The following RC3H1 variants were observed in gnomAD, a reference collection of about 807,000 sequenced individuals.
RC3H1 encodes ring finger and CCCH-type domains 1.
Under a neutral mutation model 138.2 loss-of-function variants are expected in RC3H1, and 50 were observed. The observed-to-expected ratio is 0.36, with a 90% confidence interval of 0.29 to 0.46. The LOEUF (loss-of-function observed/expected upper bound fraction) is 0.46, where lower values mean the gene tolerates loss of function less well. Ranked by LOEUF, RC3H1 falls within the 20% of genes least tolerant of loss-of-function variation. The pLI is 1.00. For synonymous variants in RC3H1, 462 were observed against 489.1 expected (o/e 0.94, Z 0.73); for missense variants, 1,031 against 1,388.1 (o/e 0.74, Z 4.09).
chr1:174,014,442 C>T (rs936023673), intron 1 of RC3H1, among the ~76,000 whole-genome samples: 4 of 151,846 alleles, frequency 2.6e-5, no homozygotes, highest in African/African-American at 9.7e-5. Context: ...CAGCATAGGC[C>T]CATATAAATA....
chr1:173,988,669 A>G (rs1006766522), intron 2 of RC3H1, among the ~76,000 whole-genome samples: 12 of 152,256 alleles, frequency 7.9e-5, no homozygotes, highest in African/African-American at 2.7e-4. Context: ...CATTTCCAAA[A>G]AGATGAGAGT....
intron 5 of RC3H1, among the ~76,000 whole-genome samples, chr1:173,981,508 T>C (rs1050418627): frequency 6.6e-6 from 1 of 152,154 alleles, no homozygotes; most frequent in African/African-American, 2.4e-5. Context: ...GTTTAAGGTG[T>C]ATGTGTGTGT....
chr1:174,009,333 T>C (rs927990814), intron 1 of RC3H1: 1 of 152,138 alleles, frequency 6.6e-6, no homozygotes, highest in Non-Finnish European at 1.5e-5. Flanking sequence ...AATATATGAA[T>C]TCCTTCAGAG....
At chr1:173,998,783 T>A (rs564266946) in intron 1 of RC3H1, among the ~76,000 whole-genome samples, 20 of 152,104 alleles carry the variant, frequency 1.3e-4, no homozygotes, top group Non-Finnish European at 2.6e-4. Flanking sequence ...AATAAAGATC[T>A]TATTATCAAA....
At chr1:174,000,879 G>A (rs1168182865) in intron 1 of RC3H1, among the ~76,000 whole-genome samples, 1 of 152,122 alleles carries the variant, frequency 6.6e-6, no homozygotes, top group Non-Finnish European at 1.5e-5. Flanking sequence ...TAAAATTTGA[G>A]GCTCAAGGTT....
At chr1:173,944,048 C>T (rs1231825234) in intron 17 of RC3H1, among the ~76,000 whole-genome samples, 1 of 151,842 alleles carries the variant, frequency 6.6e-6, no homozygotes, top group African/African-American at 2.4e-5. Flanking sequence ...GTGGTGTGGG[C>T]CCGTAGTCCT....
chr1:174,021,580 G>C (rs2103125131), intron 1 of RC3H1, among the ~76,000 whole-genome samples: 1 of 152,202 alleles, frequency 6.6e-6, no homozygotes. Context: ...GGGACTTCAG[G>C]GAAACAGACA....
rs1291218037 is a variant in RC3H1, at chr1:173,934,965, G to C, written c.*3756C>G. 1 of 152,138 alleles carries C rather than the reference G, an allele frequency of 6.6e-6. No individual in the cohort carries two copies. Among genetic ancestry groups the C allele is most frequent in the African/African-American group, 2.4e-5 (1 of 41,432 alleles). 9.4% of individuals were successfully genotyped at this position (152,138 alleles called of 1,614,324 possible). ...TTAGGCAAAAGAAATACATGGGAAA[G>C]AATAGAAGGGAAGGGAAATAAGATG... On this transcript the variant is annotated 3_prime_UTR_variant, in exon 20 of 20. Transcript: ENST00000367696.
In RC3H1 at chr1:173,982,778, T is replaced by C. The variant is rs762065553; in HGVS notation, c.717A>G (p.Lys239=). Residue 239 remains lysine (K), a synonymous_variant, in exon 5 of 20, where the codon AAA becomes AAG. Transcript: ENST00000367696. ...GCTGAACAACATGCCCAATGCTAGTTTTAGAGGCTTGAGGAAACCGTGGCT... is the reference window on the plus strand; with the variant it reads ...GCTGAACAACATGCCCAATGCTAGTCTTAGAGGCTTGAGGAAACCGTGGCT... ...RLEPRFPQAS[K]TSIGHVVQLL... is the part of the protein sequence containing the mutation. 2 of 1,613,638 alleles carry C rather than the reference T, an allele frequency of 1.2e-6. No individual in the cohort carries two copies. Among genetic ancestry groups the C allele is most frequent in the Non-Finnish European group, 1.7e-6 (2 of 1,179,776 alleles).
intron 9 of RC3H1, chr1:173,969,508 A>G (rs950510756): frequency 6.6e-6 from 1 of 151,686 alleles, no homozygotes; most frequent in Non-Finnish European, 1.5e-5. Context: ...TACTTGCAGT[A>G]GATTTGCAGT....
At chr1:174,015,219 A>C (rs61826785) in intron 1 of RC3H1, among the ~76,000 whole-genome samples, 21,611 of 150,974 alleles carry the variant, frequency 0.14, 1,710 homozygotes, top group Middle Eastern at 0.22. Context: ...CAGATGATTT[A>C]GTTCATTAAT....
At chr1:174,018,822 G>A (rs1287864263) in intron 1 of RC3H1, among the ~76,000 whole-genome samples, 1 of 152,140 alleles carries the variant, frequency 6.6e-6, no homozygotes, top group Non-Finnish European at 1.5e-5. Context: ...ACCAAACAGG[G>A]ATCATTTATC....
intron 6 of RC3H1, among the ~76,000 whole-genome samples, 164 bp from the exon 7 acceptor site, chr1:173,978,784 T>C (rs115123800): frequency 0.022 from 3,390 of 152,354 alleles, 61 homozygotes; most frequent in Middle Eastern, 0.088. Context: ...AAATAAATTC[T>C]GTACTTCTCT....
At chr1:174,011,588 A>G (rs1661770346) in intron 1 of RC3H1, among the ~76,000 whole-genome samples, 1 of 152,122 alleles carries the variant, frequency 6.6e-6, no homozygotes, top group Admixed American at 6.5e-5. Flanking sequence ...TAACCAGTAT[A>G]CAGAAAAGTC....
chr1:173,962,893 A>G (rs772707798), intron 11 of RC3H1, among the ~76,000 whole-genome samples: 54 of 152,374 alleles, frequency 3.5e-4, no homozygotes, highest in Non-Finnish European at 6.3e-4. Context: ...TAGTAATGCC[A>G]TATCAATTAA....
chr1:174,016,422 CTTTTTTT>C (rs1189625122), intron 1 of RC3H1, among the ~76,000 whole-genome samples: 4 of 118,278 alleles, frequency 3.4e-5, no homozygotes, highest in Admixed American at 8.7e-5. Flanking sequence ...TTTAAGTTTC[CTTTTTTT>C]TTTTTTTTTT....
At chr1:173,971,918 T>C (rs1660374854) in intron 8 of RC3H1, among the ~76,000 whole-genome samples, 2 of 152,162 alleles carry the variant, frequency 1.3e-5, no homozygotes, top group Admixed American at 6.5e-5. Flanking sequence ...ATGAACCTAA[T>C]ATAAATCCTG....
intron 3 of RC3H1, among the ~76,000 whole-genome samples, chr1:173,984,140 A>AATG (rs1215103618): frequency 6.6e-6 from 1 of 152,334 alleles, no homozygotes; most frequent in East Asian, 1.9e-4. Context: ...AGAATTGTCA[A>AATG]ATGATGGAAA....
intron 18 of RC3H1, among the ~76,000 whole-genome samples, chr1:173,942,446 A>G (rs540972085): frequency 3.9e-4 from 59 of 149,592 alleles, no homozygotes; most frequent in African/African-American, 1.1e-3. Context: ...AAAAAAAAAA[A>G]AAAAGAAAAG....
Sources: gnomAD v4.1 joint callset for allele counts (sites outside exome capture counted in the v4.1 genomes callset) on GRCh38, gnomAD v4.1.1 for gene constraint, MANE v1.5 for transcripts, NCBI Gene and HGNC (gene_info 2026-07-23, HGNC 2026-07-21) for gene names.